CDK6: variants seen among roughly 807,000 people sequenced by gnomAD.
CDK6 encodes cyclin-dependent kinase 6.
In CDK6, 6 loss-of-function variants were observed where a neutral mutation model predicts 37.1. That is an observed-to-expected ratio of 0.16 (90% CI 0.09 to 0.32). The LOEUF (loss-of-function observed/expected upper bound fraction) is 0.32. Ranked by LOEUF, CDK6 falls within the 10% of genes least tolerant of loss-of-function variation. CDK6 has a pLI of 1.00. For missense variants in CDK6, 224 were observed against 418.9 expected, an observed-to-expected ratio of 0.53 and a Z score of 4.06; for synonymous variants, 160 against 161.3, an observed-to-expected ratio of 0.99 and a Z score of 0.06.
chr7:92,687,328 T>A (rs1377957609), intron 4 of CDK6, among the ~76,000 whole-genome samples: 1 of 152,168 alleles, frequency 6.6e-6, no homozygotes, highest in Non-Finnish European at 1.5e-5. Flanking sequence ...AATCTTTGGA[T>A]CCCCAATGCT....
rs983740809 is a variant in CDK6, at chr7:92,606,434, T to C, written c.*8706A>G. 1 of 233,226 alleles carries C rather than the reference T, an allele frequency of 4.3e-6. No individual in the cohort carries two copies. The highest frequency in any genetic ancestry group is 8.5e-6 in the Non-Finnish European group (1 of 118,152). 14.4% of individuals were successfully genotyped at this position (233,226 alleles called of 1,614,324 possible). A position where few individuals can be genotyped will look rare whatever the true frequency, so the allele number is the denominator to read the frequency against. ...ATGTGGAGGAAGATGGAGAGCACCA[T>C]GTGGACAAGCCAGGATGGTAGCAGG... is the stretch of plus-strand genomic sequence containing the variant. On this transcript the variant is annotated 3_prime_UTR_variant, in exon 8 of 8. Coordinates refer to ENST00000424848, the MANE Select transcript of CDK6 (RefSeq NM_001145306.2).
At chr7:92,752,792 T>G (rs935587629) in intron 3 of CDK6, among the ~76,000 whole-genome samples, 8 of 151,936 alleles carry the variant, frequency 5.3e-5, no homozygotes, top group African/African-American at 1.9e-4. Context: ...CAAGCCAATG[T>G]TTTTTTTGTC....
At chr7:92,779,322 T>C (rs1444481639) in intron 2 of CDK6, among the ~76,000 whole-genome samples, 1 of 152,116 alleles carries the variant, frequency 6.6e-6, no homozygotes, top group Non-Finnish European at 1.5e-5. Context: ...TTGTCCTAAA[T>C]GATAAACCTT....
At chr7:92,635,755 C>T (rs1469632369) in intron 5 of CDK6, among the ~76,000 whole-genome samples, 1 of 152,104 alleles carries the variant, frequency 6.6e-6, no homozygotes, top group Non-Finnish European at 1.5e-5. Flanking sequence ...TGGCCCAAAT[C>T]TCTAGATTTA....
intron 2 of CDK6, among the ~76,000 whole-genome samples, chr7:92,783,334 AC>A (rs1045131860): frequency 2.6e-5 from 4 of 152,170 alleles, no homozygotes; most frequent in African/African-American, 9.7e-5. Flanking sequence ...CAATTAAACA[AC>A]CCCTTTCCCA....
chr7:92,738,746 C>A (rs180892190), intron 3 of CDK6, among the ~76,000 whole-genome samples: 2 of 152,172 alleles, frequency 1.3e-5, no homozygotes, highest in East Asian at 3.9e-4. Flanking sequence ...GTACAGGTAT[C>A]CAAGTTTTTG....
At chr7:92,759,697 C>CAAAAA (rs61188860) in intron 3 of CDK6, among the ~76,000 whole-genome samples, 3 of 74,136 alleles carry the variant, frequency 4.0e-5, no homozygotes, top group Admixed American at 1.5e-4. Context: ...GACTTTAAGG[C>CAAAAA]AAAAAAAAAA....
At chr7:92,763,983 A>G (rs575957880) in intron 3 of CDK6, among the ~76,000 whole-genome samples, 4 of 152,262 alleles carry the variant, frequency 2.6e-5, no homozygotes, top group African/African-American at 9.6e-5. Flanking sequence ...GAAACAAAGC[A>G]TAGTGTTTAC....
At chr7:92,624,849 G>A (rs1032312064) in intron 5 of CDK6, among the ~76,000 whole-genome samples, 1 of 152,118 alleles carries the variant, frequency 6.6e-6, no homozygotes, top group Admixed American at 6.6e-5. Flanking sequence ...CAGGAGAAAT[G>A]TAGTAGTACA....
chr7:92,670,291 C>T (rs774057209), intron 5 of CDK6, among the ~76,000 whole-genome samples: 19 of 152,196 alleles, frequency 1.2e-4, no homozygotes, highest in Non-Finnish European at 2.6e-4. Context: ...TTGTGATGAT[C>T]TCCTATCCTA....
rs1464756248 is a variant in CDK6 at position 92,833,303 on chromosome 7, G to C, written c.21C>G (p.Cys7Trp). The C allele has an allele frequency of 6.2e-7, 1 of 1,600,012 alleles. No individual in the cohort carries two copies. Among genetic ancestry groups the C allele is most frequent in the Non-Finnish European group, 8.5e-7 (1 of 1,175,306 alleles). The change falls in exon 2 of 8, where the codon TGC (cysteine) becomes TGG (tryptophan). Residue 7 changes from cysteine to tryptophan, a missense_variant. Cys to Trp is a radical substitution (Grantham distance 215). This residue lies in a region of CDK6 where 18 missense variants were observed against 18.5 expected (regional missense o/e 0.97). Coordinates refer to ENST00000424848, the MANE Select transcript of CDK6 (RefSeq NM_001145306.2). This position sits in a 1 kb window ranked among gnomAD's most constrained non-coding sequence, Gnocchi z 6.1. ...CGCATTCGTACTGCTGGTCAGCGCG[G>C]CACAGGCCGTCCTTCTCCATGCCGC... Reference protein sequence around the residue: MEKDGLCRADQQYECVA... With the variant: MEKDGLWRADQQYECVA...
At chr7:92,620,391 G>C (rs1795782499) in intron 6 of CDK6, among the ~76,000 whole-genome samples, 1 of 152,098 alleles carries the variant, frequency 6.6e-6, no homozygotes, top group Non-Finnish European at 1.5e-5. Flanking sequence ...GGGAAATTGA[G>C]AATGAGGAAT....
At chr7:92,674,834 C>T (rs1255065745) in intron 4 of CDK6, among the ~76,000 whole-genome samples, 1 of 152,098 alleles carries the variant, frequency 6.6e-6, no homozygotes, top group Non-Finnish European at 1.5e-5. Flanking sequence ...AATATTATTT[C>T]TTTCTTTTTT....
At position 92,612,709 on chromosome 7, in the gene CDK6, C is replaced by G. The variant is rs115089026; in HGVS notation, c.*2431G>C. On this transcript the variant is annotated 3_prime_UTR_variant, in exon 8 of 8. Transcript: ENST00000424848. ...AGATGCTAGGAATAAAAGTTGAGCTCTCTACTCATTTAAAATTCTAAAGAA... is the reference window on the plus strand; with the variant it reads ...AGATGCTAGGAATAAAAGTTGAGCTGTCTACTCATTTAAAATTCTAAAGAA... 1.5e-3 allele frequency: 344 copies of G among 233,126 alleles called. No individual in the cohort carries two copies. The highest frequency in any genetic ancestry group is 7.0e-3 in the African/African-American group (320 of 45,446). 14.4% of individuals were successfully genotyped at this position (233,126 alleles called of 1,614,324 possible). A position where few individuals can be genotyped will look rare whatever the true frequency, so the allele number is the denominator to read the frequency against.
At chr7:92,660,983 T>C (rs1164173497) in intron 5 of CDK6, among the ~76,000 whole-genome samples, 2 of 151,878 alleles carry the variant, frequency 1.3e-5, no homozygotes, top group African/African-American at 4.8e-5. Flanking sequence ...AACACCTAGG[T>C]TTGGGAGAAG....
chr7:92,710,826 C>T (rs1330892746), intron 4 of CDK6: 18 of 985,260 alleles, frequency 1.8e-5, no homozygotes, highest in Non-Finnish European at 2.0e-5. Flanking sequence ...CCCGGGCAGA[C>T]GGATGACTTG....
intron 5 of CDK6, 89 bp from the exon 6 acceptor site, chr7:92,623,175 A>G (rs1795843407): frequency 3.4e-6 from 3 of 891,838 alleles, no homozygotes; most frequent in Non-Finnish European, 5.3e-6. Flanking sequence ...CACAGGAAGC[A>G]AAATATTCTT....
chr7:92,636,761 G>A (rs2048655379), intron 5 of CDK6, among the ~76,000 whole-genome samples: 1 of 152,124 alleles, frequency 6.6e-6, no homozygotes, highest in African/African-American at 2.4e-5. Flanking sequence ...TGCCTCCTGG[G>A]TTCAAGCGAT....
At chr7:92,767,085 C>G (rs753517970) in intron 3 of CDK6, among the ~76,000 whole-genome samples, 1 of 152,146 alleles carries the variant, frequency 6.6e-6, no homozygotes, top group Non-Finnish European at 1.5e-5. Flanking sequence ...AAGATTCTTT[C>G]ATTTTTAGTT....
Sources: gnomAD v4.1 joint callset for allele counts (sites outside exome capture counted in the v4.1 genomes callset) on GRCh38, gnomAD v4.1.1 for gene constraint, gnomAD v4.1.1 regional missense constraint, Gnocchi (gnomAD v3.1) non-coding constraint, MANE v1.5 for transcripts, NCBI Gene and HGNC (gene_info 2026-07-23, HGNC 2026-07-21) for gene names.